The following RGSL1 variants were observed in gnomAD, a reference collection of about 807,000 sequenced individuals.
RGSL1 encodes the protein regulator of G protein signaling protein-like.
Under a neutral mutation model 124.7 loss-of-function variants are expected in RGSL1, and 97 were observed. The ratio of observed to expected loss-of-function variants is 0.78; its 90% CI spans 0.66 to 0.92. The LOEUF is 0.92. Ranked by LOEUF, RGSL1 falls within the 40% of genes least tolerant of loss-of-function variation. The probability of loss-of-function intolerance (pLI) is 0.00; values close to 1 mark genes in which losing one functional copy is unlikely to be tolerated. For missense variants in RGSL1, 1,233 were observed against 1,288.4 expected (o/e 0.96, Z 0.66); for synonymous variants, 424 against 438.1 (o/e 0.97, Z 0.40).
intron 6 of RGSL1, among the ~76,000 whole-genome samples, chr1:182,483,551 C>T (rs111534038): frequency 0.014 from 2,158 of 152,158 alleles, 43 homozygotes; most frequent in African/African-American, 0.049. Flanking sequence ...ATGACATACA[C>T]ATAAAATATA....
At chr1:182,485,847 C>T (rs528312709) in intron 6 of RGSL1, among the ~76,000 whole-genome samples, 2 of 152,232 alleles carry the variant, frequency 1.3e-5, no homozygotes, top group Admixed American at 6.5e-5. Context: ...CATATTAGGG[C>T]ACATGGATAA....
chr1:182,488,367 A>AGGAAGGAAT lies in RGSL1; in HGVS notation c.1494+21_1494+29dup, dbSNP rs1192863821. ...TTTACGGTAGGAAGGACTTTGGGTT[A>AGGAAGGAAT]GGAAGGAATCATGAGGATGAGGGAA... On this transcript the variant is annotated intron_variant, in intron 7 of 21. Coordinates refer to ENST00000294854, the MANE Select transcript of RGSL1 (RefSeq NM_001137669.2). The AGGAAGGAAT allele has an allele frequency of 6.5e-7, 1 of 1,546,474 alleles. No individual in the cohort carries two copies.
At chr1:182,528,443 C>T (rs901793155) in intron 11 of RGSL1, among the ~76,000 whole-genome samples, 1 of 152,138 alleles carries the variant, frequency 6.6e-6, no homozygotes. Context: ...TCCAAAGTCT[C>T]ATCTGAGATA....
chr1:182,553,392 A>C, intron 18 of RGSL1, 63 bp from the exon 19 acceptor site: 2 of 1,234,592 alleles, frequency 1.6e-6, no homozygotes, highest in Non-Finnish European at 2.3e-6. Context: ...GCTTACTTAG[A>C]GAGATTTATT....
chr1:182,520,778 T>C (rs904719470), intron 9 of RGSL1, among the ~76,000 whole-genome samples: 5 of 152,198 alleles, frequency 3.3e-5, no homozygotes, highest in African/African-American at 7.2e-5. Context: ...TTTATTTAGA[T>C]CCAACATATA....
In RGSL1 at chr1:182,530,284, C is replaced by G. The variant is rs754856726; in HGVS notation, c.2166C>G (p.Ile722Met). Residue 722 changes from isoleucine (I) to methionine (M), a missense_variant, in exon 12 of 22, where the codon ATC (isoleucine) becomes ATG (methionine). Ile to Met is a conservative substitution (Grantham distance 10). Coordinates refer to ENST00000294854, the MANE Select transcript of RGSL1 (RefSeq NM_001137669.2). ...LQCDAPIIKE[I>M]ASMRHVTTST... ...GTGATGCCCCTATTATCAAAGAAAT[C>G]GCTTCCATGCGTCATGTCACCACAA... 5.2e-6 allele frequency: 8 copies of G among 1,550,978 alleles called. No individual in the cohort carries two copies. The South Asian group carries it at 9.5e-5, about 18-fold the overall frequency.
At chr1:182,448,544 C>T (rs1193786618), upstream of RGSL1, among the ~76,000 whole-genome samples, 5 of 152,030 alleles carry the variant, frequency 3.3e-5, no homozygotes, top group Admixed American at 3.3e-4. Context: ...CTATATTTAC[C>T]TGATGATAAT....
intron 4 of RGSL1, among the ~76,000 whole-genome samples, chr1:182,468,909 A>G (rs1653579773): frequency 1.3e-5 from 2 of 152,090 alleles, no homozygotes; most frequent in African/African-American, 2.4e-5. Flanking sequence ...TGCCAAGACC[A>G]TTCAATGGGG....
chr1:182,488,888 G>A, intron 7 of RGSL1, 92 bp from the exon 8 acceptor site: 2 of 962,818 alleles, frequency 2.1e-6, no homozygotes, highest in South Asian at 3.3e-5. Context: ...CCATGTAACA[G>A]GGAGGCATGG....
At position 182,454,011 on chromosome 1, in the gene RGSL1, G is replaced by T; in HGVS notation, c.67G>T (p.Asp23Tyr). Residue 23 changes from aspartate (D) to tyrosine (Y), a missense_variant, in exon 2 of 22, where the codon GAT becomes TAT. Asp to Tyr is a radical substitution (Grantham distance 160). Transcript: ENST00000294854. ...IILLEDEVFA[D>Y]FFNTFLSLPV... ...TCTGCTAGAGGATGAAGTCTTTGCCGATTTTTTCAACACATTTCTTTCCCT... is the reference window on the plus strand; with the variant it reads ...TCTGCTAGAGGATGAAGTCTTTGCCTATTTTTTCAACACATTTCTTTCCCT... 6.5e-7 allele frequency: 1 copy of T among 1,533,434 alleles called. No individual in the cohort carries two copies. Among genetic ancestry groups the T allele is most frequent in the Non-Finnish European group, 8.8e-7 (1 of 1,130,548 alleles). 95.0% of individuals were successfully genotyped at this position (1,533,434 alleles called of 1,614,324 possible).
chr1:182,448,904 G>C (rs535308776), upstream of RGSL1, among the ~76,000 whole-genome samples: 1 of 152,284 alleles, frequency 6.6e-6, no homozygotes, highest in African/African-American at 2.4e-5. Context: ...GGACTCAAGG[G>C]TAGGTGCACA....
At chr1:182,458,769 G>A (rs1336195272) in intron 3 of RGSL1, among the ~76,000 whole-genome samples, 1 of 152,150 alleles carries the variant, frequency 6.6e-6, no homozygotes, top group Non-Finnish European at 1.5e-5. Flanking sequence ...CACCGTGCCT[G>A]GCCTGAGGGA....
At chr1:182,450,811 T>C (rs1432505373) in intron 1 of RGSL1, among the ~76,000 whole-genome samples, 2 of 152,170 alleles carry the variant, frequency 1.3e-5, no homozygotes, top group Admixed American at 1.3e-4. Context: ...AACAAATCCA[T>C]GTTAGACTCT....
intron 11 of RGSL1, among the ~76,000 whole-genome samples, chr1:182,528,207 C>T (rs1416899312): frequency 1.3e-5 from 2 of 152,092 alleles, no homozygotes; most frequent in Non-Finnish European, 2.9e-5. Flanking sequence ...ATCATGAGAA[C>T]AGCATGGGGG....
At chr1:182,545,404 T>C (rs751348285) in intron 15 of RGSL1, among the ~76,000 whole-genome samples, 4 of 152,198 alleles carry the variant, frequency 2.6e-5, no homozygotes, top group Non-Finnish European at 4.4e-5. Flanking sequence ...AAATTTGTCT[T>C]TTAGGCTTCA....
intron 15 of RGSL1, among the ~76,000 whole-genome samples, chr1:182,544,175 C>T (rs1371174896): frequency 6.6e-6 from 1 of 151,980 alleles, no homozygotes; most frequent in Non-Finnish European, 1.5e-5. Context: ...TGTTGTATCC[C>T]ATAGATTTTG....
chr1:182,488,426 T>C, intron 7 of RGSL1, 79 bp downstream of exon 7: 3 of 1,263,082 alleles, frequency 2.4e-6, no homozygotes, highest in Non-Finnish European at 3.4e-6. Context: ...AAAAGGGTTA[T>C]GTGTTAAAGT....
Position 182,532,692 on chromosome 1 carries a change from A to T in RGSL1, c.2395A>T (p.Ile799Phe), listed in dbSNP as rs186526736. 6.4e-7 allele frequency: 1 copy of T among 1,551,048 alleles called. No individual in the cohort carries two copies. Among genetic ancestry groups the T allele is most frequent in the Non-Finnish European group, 8.7e-7 (1 of 1,146,442 alleles). ...KKGWMRMISFIRSFCKYRRFM... is the reference protein window; with the variant it reads ...KKGWMRMISFFRSFCKYRRFM... ...AGGCTGGATGAGAATGATCAGCTTT[A>T]TCAGGAGTTTTTGCAAGTACCGCAG... The change falls in exon 14 of 22, where the codon ATC (isoleucine) becomes TTC (phenylalanine). Residue 799 changes from isoleucine (I) to phenylalanine (F), a missense_variant. Transcript: ENST00000294854.
At chr1:182,550,979 C>G in intron 17 of RGSL1, 121 bp from the exon 18 acceptor site, 2 of 669,174 alleles carry the variant, frequency 3.0e-6, no homozygotes, top group South Asian at 3.7e-5. Flanking sequence ...ATGCTTTCCT[C>G]TTCTCTGTTG....
Sources: gnomAD v4.1 joint callset for allele counts (sites outside exome capture counted in the v4.1 genomes callset) on GRCh38, gnomAD v4.1.1 for gene constraint, MANE v1.5 for transcripts, NCBI Gene and HGNC (gene_info 2026-07-23, HGNC 2026-07-21) for gene names.